SORCS1: variants seen among roughly 807,000 people sequenced by gnomAD.
The protein encoded by SORCS1 is VPS10 domain-containing receptor SorCS1.
In SORCS1, 60 loss-of-function variants were observed where a neutral mutation model predicts 146.1. The ratio of observed to expected loss-of-function variants is 0.41; its 90% confidence interval spans 0.33 to 0.51. The LOEUF (loss-of-function observed/expected upper bound fraction) is 0.51, where lower values mean the gene tolerates loss of function less well. Ranked by LOEUF, SORCS1 falls within the 20% of genes least tolerant of loss-of-function variation. SORCS1 has a pLI of 0.21. For synonymous variants in SORCS1, 637 were observed against 584.0 expected (o/e 1.09, Z -1.31); for missense variants, 1,352 against 1,487.6 (o/e 0.91, Z 1.50).
chr10:106,712,103 G>A (rs1228020298), intron 6 of SORCS1, among the ~76,000 whole-genome samples: 1 of 152,166 alleles, frequency 6.6e-6, no homozygotes. Context: ...GCGAATCACT[G>A]AGACAATGAG....
chr10:106,668,652 A>G (rs962835125), intron 16 of SORCS1, among the ~76,000 whole-genome samples: 3 of 152,208 alleles, frequency 2.0e-5, no homozygotes, highest in African/African-American at 7.2e-5. Context: ...CACAAGGGTC[A>G]GTAAGGGAGA....
intron 10 of SORCS1, among the ~76,000 whole-genome samples, chr10:106,687,346 C>A (rs1000108109): frequency 3.3e-5 from 5 of 152,144 alleles, no homozygotes; most frequent in African/African-American, 1.2e-4. Context: ...TCATACTAAT[C>A]TATATACTGC....
intron 10 of SORCS1, among the ~76,000 whole-genome samples, chr10:106,686,309 C>G (rs918503084): frequency 6.6e-6 from 1 of 152,060 alleles, no homozygotes; most frequent in Admixed American, 6.6e-5. Context: ...TCTGACACTG[C>G]GTTGGGGGTG....
chr10:106,889,878 A>C (rs1278226044), intron 2 of SORCS1, among the ~76,000 whole-genome samples: 3 of 139,166 alleles, frequency 2.2e-5, no homozygotes, highest in Admixed American at 1.4e-4. Context: ...GAGTGAGACT[A>C]CGTCTCAAAT....
intron 3 of SORCS1, among the ~76,000 whole-genome samples, chr10:106,797,065 C>T (rs1333626852): frequency 2.0e-5 from 3 of 152,042 alleles, no homozygotes; most frequent in Admixed American, 1.3e-4. Context: ...CGGGATCACG[C>T]CACTGCACTC....
At chr10:107,062,565 G>A (rs551506785) in intron 1 of SORCS1, among the ~76,000 whole-genome samples, 16 of 152,058 alleles carry the variant, frequency 1.1e-4, no homozygotes, top group Non-Finnish European at 2.1e-4. Context: ...CATAGCTAAC[G>A]ATAATTAATG....
At chr10:106,839,725 G>C (rs1194635774) in intron 2 of SORCS1, among the ~76,000 whole-genome samples, 1 of 152,212 alleles carries the variant, frequency 6.6e-6, no homozygotes, top group Non-Finnish European at 1.5e-5. Context: ...AGCTTTGAGG[G>C]ACAAGCTGAC....
chr10:106,873,308 G>A (rs1466249793), intron 2 of SORCS1, among the ~76,000 whole-genome samples: 2 of 119,304 alleles, frequency 1.7e-5, no homozygotes, highest in Non-Finnish European at 3.5e-5. Flanking sequence ...AGCAAAACTC[G>A]GTCTCAAAAA....
At position 107,108,237 on chromosome 10, in the gene SORCS1, G is replaced by A. The variant is rs1047698942; in HGVS notation, c.558+55732C>T. Among the ~76,000 whole-genome samples, 4 of 152,260 alleles carry A rather than the reference G, an allele frequency of 2.6e-5. No homozygotes were observed. In the East Asian group the frequency reaches 5.8e-4, roughly 22 times the overall value. On this transcript the variant is annotated intron_variant, in intron 1 of 25. Transcript: ENST00000263054. ...TCCTGAAGCATCCTTGCATGTACTGGGCTGTCCTTGCATTCCTATAAAGAA... is the reference window on the plus strand; with the variant it reads ...TCCTGAAGCATCCTTGCATGTACTGAGCTGTCCTTGCATTCCTATAAAGAA...
chr10:106,663,954 G>A (rs1360823009), intron 17 of SORCS1, among the ~76,000 whole-genome samples: 4 of 152,182 alleles, frequency 2.6e-5, no homozygotes, highest in South Asian at 2.1e-4. Context: ...TACCATACCC[G>A]CTGATGGCTG....
intron 15 of SORCS1, among the ~76,000 whole-genome samples, chr10:106,672,479 T>C (rs1469986070): frequency 1.3e-5 from 2 of 152,126 alleles, no homozygotes; most frequent in African/African-American, 4.8e-5. Flanking sequence ...CAGCATAATT[T>C]TGTTATTTTA....
intron 2 of SORCS1, among the ~76,000 whole-genome samples, chr10:106,914,252 T>C (rs905313720): frequency 1.3e-5 from 2 of 152,202 alleles, no homozygotes; most frequent in African/African-American, 2.4e-5. Flanking sequence ...CTGTTTTTTT[T>C]CTCCTTTCTC....
At chr10:106,803,369 T>G (rs1228624045) in intron 3 of SORCS1, among the ~76,000 whole-genome samples, 1 of 152,224 alleles carries the variant, frequency 6.6e-6, no homozygotes, top group Non-Finnish European at 1.5e-5. Flanking sequence ...ACCAGGGCAC[T>G]TGACCACACT....
chr10:106,902,056 A>G (rs552962955), intron 2 of SORCS1, among the ~76,000 whole-genome samples: 1 of 152,168 alleles, frequency 6.6e-6, no homozygotes, highest in South Asian at 2.1e-4. Flanking sequence ...AAAAAAAAAA[A>G]TTAGATTTTA....
intron 2 of SORCS1, among the ~76,000 whole-genome samples, chr10:106,866,586 A>C (rs547672284): frequency 6.6e-6 from 1 of 152,202 alleles, no homozygotes; most frequent in Non-Finnish European, 1.5e-5. Flanking sequence ...GCCAGAACTC[A>C]AGGGGGAGAA....
At chr10:106,862,205 T>C (rs763286321) in intron 2 of SORCS1, among the ~76,000 whole-genome samples, 2 of 152,200 alleles carry the variant, frequency 1.3e-5, no homozygotes, top group Non-Finnish European at 2.9e-5. Flanking sequence ...GTTAAACTTA[T>C]GGATAAATAT....
intron 18 of SORCS1, among the ~76,000 whole-genome samples, chr10:106,648,469 G>A (rs908447427): frequency 2.0e-5 from 3 of 152,072 alleles, no homozygotes; most frequent in African/African-American, 7.2e-5. Flanking sequence ...GTATTTTAAT[G>A]CTACATATAT....
intron 1 of SORCS1, among the ~76,000 whole-genome samples, chr10:107,091,928 A>G (rs1964212587): frequency 5.3e-5 from 8 of 152,222 alleles, no homozygotes; most frequent in Admixed American, 5.2e-4. Context: ...TGTATGAATG[A>G]GCTCCTACAT....
At chr10:106,829,415 G>T (rs1342013971) in intron 3 of SORCS1, among the ~76,000 whole-genome samples, 159 bp downstream of exon 3, 4 of 152,160 alleles carry the variant, frequency 2.6e-5, no homozygotes, top group Non-Finnish European at 5.9e-5. Flanking sequence ...TGAAAATTAT[G>T]ATGTGTCAGA....
Sources: gnomAD v4.1 joint callset for allele counts (sites outside exome capture counted in the v4.1 genomes callset) on GRCh38, gnomAD v4.1.1 for gene constraint, MANE v1.5 for transcripts, NCBI Gene and HGNC (gene_info 2026-07-23, HGNC 2026-07-21) for gene names.